The following MINDY2 variants were observed in gnomAD, a reference collection of about 807,000 sequenced individuals.
MINDY2 encodes the protein ubiquitin carboxyl-terminal hydrolase MINDY-2.
MINDY2 carries 52 observed loss-of-function variants against 68.2 expected under a neutral mutation model. The ratio of observed to expected loss-of-function variants is 0.76; its 90% CI spans 0.61 to 0.96. The LOEUF (loss-of-function observed/expected upper bound fraction) is 0.96. Among genes scored for constraint, MINDY2 ranks in the 40% least tolerant of loss-of-function variants. MINDY2 has a pLI of 0.00. For missense variants in MINDY2, 881 were observed against 773.4 expected, an observed-to-expected ratio of 1.14 and a Z score of -1.65; for synonymous variants, 372 against 303.0, an observed-to-expected ratio of 1.23 and a Z score of -2.36.
intron 4 of MINDY2, among the ~76,000 whole-genome samples, chr15:58,811,054 T>C (rs2030203934): frequency 6.6e-6 from 1 of 152,216 alleles, no homozygotes; most frequent in Non-Finnish European, 1.5e-5. Context: ...GTTCAAGGGA[T>C]CCATCATTAG....
At chr15:58,775,070 T>G (rs955236732) in intron 1 of MINDY2, among the ~76,000 whole-genome samples, 7 of 152,248 alleles carry the variant, frequency 4.6e-5, no homozygotes, top group Non-Finnish European at 7.3e-5. Flanking sequence ...AAGTCAAAGC[T>G]ATTTTTATGA....
At position 58,771,748 on chromosome 15, in the gene MINDY2, G is replaced by C. The variant is rs1900420055; in HGVS notation, c.353G>C (p.Gly118Ala). 5 of 1,611,600 alleles carry C rather than the reference G, an allele frequency of 3.1e-6. No individual in the cohort carries two copies. Among genetic ancestry groups the C allele is most frequent in the African/African-American group, 1.3e-5 (1 of 74,918 alleles). The change falls in exon 1 of 9, where the codon GGA (glycine) becomes GCA (alanine). Residue 118 changes from glycine (G) to alanine (A), a missense_variant. Transcript: ENST00000559228. Reference protein sequence around the residue: ...VTASPETAVAGVGHELGTAGD... With the variant: ...VTASPETAVAAVGHELGTAGD... The stretch of plus-strand genomic sequence containing the variant: ...GCCTCCCCGGAGACAGCCGTGGCCG[G>C]AGTGGGTCATGAGTTGGGTACCGCC...
At chr15:58,791,930 ACGGT>A (rs1378427316) in intron 2 of MINDY2, among the ~76,000 whole-genome samples, 2 of 152,102 alleles carry the variant, frequency 1.3e-5, no homozygotes, top group African/African-American at 4.8e-5. Context: ...AAGAGCCGGC[ACGGT>A]CAGCCAGGTA....
At chr15:58,839,316 CTGTTTTTT>C (rs1317630683) in intron 6 of MINDY2, among the ~76,000 whole-genome samples, 10 of 68,516 alleles carry the variant, frequency 1.5e-4, no homozygotes, top group East Asian at 1.8e-3. Context: ...TTAAGTTAGA[CTGTTTTTT>C]TGTTTGTTTG....
At chr15:58,852,973 G>A (rs1402482062) in intron 8 of MINDY2, among the ~76,000 whole-genome samples, 2 of 17,122 alleles carry the variant, frequency 1.2e-4, no homozygotes, top group Admixed American at 9.7e-4. Flanking sequence ...TTTTTTTTAA[G>A]ACAGAGTCTC....
intron 5 of MINDY2, among the ~76,000 whole-genome samples, chr15:58,827,770 C>T (rs1239050012): frequency 6.6e-6 from 1 of 151,646 alleles, no homozygotes; most frequent in Admixed American, 6.6e-5. Context: ...GTATTATAAT[C>T]CATTATCATT....
intron 2 of MINDY2, chr15:58,796,061 A>G (rs1484431799): frequency 6.6e-6 from 3 of 455,338 alleles, no homozygotes; most frequent in Admixed American, 2.4e-5. Context: ...CAGTGATGAG[A>G]TGGAAATGGA....
chr15:58,801,100 A>T lies in MINDY2; in HGVS notation c.899-1213A>T, dbSNP rs538859178. Among the ~76,000 whole-genome samples the T allele has an allele frequency of 2.0e-3, 310 of 152,098 alleles. 1 individual carries two copies. The highest frequency in any genetic ancestry group is 2.2e-3 in the Non-Finnish European group (148 of 68,002). On this transcript the variant is annotated intron_variant, in intron 2 of 8. Transcript: ENST00000559228. ...GCAATTCTCCTGCCTCAGCCTCCTG[A>T]GTAGTTGGGACTACAGGTGCATGCC...
intron 6 of MINDY2, among the ~76,000 whole-genome samples, chr15:58,842,053 C>T (rs1369124007): frequency 6.6e-6 from 1 of 151,844 alleles, no homozygotes; most frequent in South Asian, 2.1e-4. Context: ...TTACATAGCC[C>T]CTGTCTAGAT....
intron 1 of MINDY2, 72 bp from the exon 2 acceptor site, chr15:58,787,834 G>T: frequency 1.0e-6 from 1 of 962,878 alleles, no homozygotes; most frequent in Non-Finnish European, 1.6e-6. Flanking sequence ...AAGTATTTGT[G>T]TTTCTGACTG....
Position 58,771,839 on chromosome 15 carries a change from C to G in MINDY2, c.444C>G (p.Ser148=), listed in dbSNP as rs764106464. 16 of 1,606,858 alleles carry G rather than the reference C, an allele frequency of 1.0e-5. No homozygotes were observed. Among genetic ancestry groups the G allele is most frequent in the African/African-American group, 4.0e-5 (3 of 74,758 alleles). The change falls in exon 1 of 9, where the codon TCC becomes TCG. Residue 148 remains serine, a synonymous_variant. Coordinates refer to ENST00000559228, the MANE Select transcript of MINDY2 (RefSeq NM_001040450.3). The part of the protein sequence containing the change: ...TCQAELTAAG[S]EEPSSAGGLS... ...AAGCAGAACTGACCGCCGCCGGCTC[C>G]GAAGAGCCCAGCAGCGCCGGCGGCC... is the stretch of plus-strand genomic sequence containing the variant.
intron 7 of MINDY2, among the ~76,000 whole-genome samples, chr15:58,850,276 GTGTTGGCTT>G (rs2032751751): frequency 6.6e-6 from 1 of 152,218 alleles, no homozygotes; most frequent in Non-Finnish European, 1.5e-5. Flanking sequence ...GATGGCTACT[GTGTTGGCTT>G]TAAAAGTCAT....
intron 2 of MINDY2, among the ~76,000 whole-genome samples, chr15:58,799,170 C>T (rs1205478995): frequency 1.3e-5 from 2 of 152,172 alleles, no homozygotes; most frequent in Non-Finnish European, 2.9e-5. Flanking sequence ...AAACTTTATT[C>T]AGGGCCAGTC....
chr15:58,813,911 T>G (rs11631244), intron 4 of MINDY2, among the ~76,000 whole-genome samples: 5,205 of 151,084 alleles, frequency 0.034, 95 homozygotes, highest in African/African-American at 0.053. Context: ...AATATTTCAT[T>G]GTAGTTTTAA....
rs1204574446 is a variant in MINDY2 at position 58,831,055 on chromosome 15, A to ATATATATATATATGTATG, written c.1226-714_1226-713insATATATATGTATGTATAT. Among the ~76,000 whole-genome samples, 29 of 145,500 alleles carry ATATATATATATATGTATG rather than the reference A, an allele frequency of 2.0e-4. 1 individual carries two copies. The highest frequency in any genetic ancestry group is 7.7e-4 in the African/African-American group (28 of 36,420). On this transcript the variant is annotated intron_variant, in intron 5 of 8. Coordinates refer to ENST00000559228, the MANE Select transcript of MINDY2 (RefSeq NM_001040450.3). Reference sequence around the variant, plus strand: ...TGTGTGTGTGTGTATATATATATATATATATGTTTTAAATTATACCCCGGA... The same window carrying ATATATATATATATGTATG: ...TGTGTGTGTGTGTATATATATATATATATATATATATATGTATGTATATGTTTTAAATTATACCCCGGA...
chr15:58,778,535 C>T lies in MINDY2; in HGVS notation c.840+6300C>T, dbSNP rs553186864. Among the ~76,000 whole-genome samples, 183 of 150,290 alleles carry T rather than the reference C, an allele frequency of 1.2e-3. 4 individuals carry two copies. In the Middle Eastern group the frequency reaches 0.014, roughly 11 times the overall value. On this transcript the variant is annotated intron_variant, in intron 1 of 8. Coordinates refer to ENST00000559228, the MANE Select transcript of MINDY2 (RefSeq NM_001040450.3). ...AAAAAAGCTTAAAAAAACAGACACA[C>T]ACCAAAAAAAAAAACCTCACCATAA...
At chr15:58,830,545 A>G (rs2031655094) in intron 5 of MINDY2, among the ~76,000 whole-genome samples, 1 of 151,946 alleles carries the variant, frequency 6.6e-6, no homozygotes, top group Non-Finnish European at 1.5e-5. Context: ...CACACCCAAA[A>G]CCCTTCTGAT....
chr15:58,853,672 T>C (rs774944345), intron 8 of MINDY2, among the ~76,000 whole-genome samples: 1 of 151,694 alleles, frequency 6.6e-6, no homozygotes, highest in African/African-American at 2.4e-5. Context: ...TATAAAAAAT[T>C]AGCTGGGTGT....
chr15:58,818,649 T>A (rs2030856298), intron 4 of MINDY2, among the ~76,000 whole-genome samples: 1 of 147,448 alleles, frequency 6.8e-6, no homozygotes, highest in East Asian at 2.0e-4. Context: ...TTTTGTATAT[T>A]GATTTTTTTT....
Sources: gnomAD v4.1 joint callset for allele counts (sites outside exome capture counted in the v4.1 genomes callset) on GRCh38, gnomAD v4.1.1 for gene constraint, MANE v1.5 for transcripts, NCBI Gene and HGNC (gene_info 2026-07-23, HGNC 2026-07-21) for gene names.